SLC4A8: variants seen among roughly 807,000 people sequenced by gnomAD.
The protein encoded by SLC4A8 is electroneutral sodium bicarbonate exchanger 1.
SLC4A8 carries 40 observed loss-of-function variants against 125.0 expected under a neutral mutation model. That is an observed-to-expected ratio of 0.32 (90% CI 0.25 to 0.42). SLC4A8 has a LOEUF of 0.42. Ranked by LOEUF, SLC4A8 falls within the 10% of genes least tolerant of loss-of-function variation. The pLI is 1.00. For synonymous variants in SLC4A8, 456 were observed against 476.0 expected (o/e 0.96, Z 0.55); for missense variants, 863 against 1,355.1 (o/e 0.64, Z 5.70).
In SLC4A8 at chr12:51,463,728, C is replaced by G; in HGVS notation, c.1349+14C>G. The G allele has an allele frequency of 6.4e-7, 1 of 1,558,002 alleles. No individual in the cohort carries two copies. The highest frequency in any genetic ancestry group is 8.8e-7 in the Non-Finnish European group (1 of 1,130,316). On this transcript the variant is annotated intron_variant, in intron 11 of 24. Coordinates refer to ENST00000453097, the MANE Select transcript of SLC4A8 (RefSeq NM_001039960.3). ...GCGCACTGGGCGGTAAGTCCTGGGA[C>G]GTTTCACAGCGATGCTGCTTATTGG...
At chr12:51,437,404 A>C (rs1443874266) in intron 1 of SLC4A8, among the ~76,000 whole-genome samples, 2 of 152,232 alleles carry the variant, frequency 1.3e-5, no homozygotes, top group Admixed American at 1.3e-4. Flanking sequence ...TGTTTGGGTC[A>C]TGGAGGCAGA....
chr12:51,479,969 A>AT (rs202064260), intron 16 of SLC4A8: 3,459 of 300,854 alleles, frequency 0.011, no homozygotes, highest in South Asian at 0.025. Flanking sequence ...TATAAATGGA[A>AT]TTTTTTTTTT....
rs1296201614 is a variant in SLC4A8, at chr12:51,507,779, G to A, written c.*341G>A. ...TTTCTCTGAAATTCTCTGCTGGCCT[G>A]CCAAGCCATATGGATTCATTCTGCC... On this transcript the variant is annotated 3_prime_UTR_variant, in exon 25 of 25. Transcript: ENST00000453097. 9.9e-6 allele frequency: 2 copies of A among 201,110 alleles called. No homozygotes were observed. The highest frequency in any genetic ancestry group is 2.3e-5 in the African/African-American group (1 of 43,312). The allele number at this position is 201,110 out of a possible 1,614,324, so 12.5% of individuals were successfully genotyped here.
chr12:51,424,779 C>A, upstream of SLC4A8: 1 of 549,420 alleles, frequency 1.8e-6, no homozygotes, highest in Non-Finnish European at 3.2e-6. Flanking sequence ...CCGTGCTCCG[C>A]GCCCTGATTG....
intron 11 of SLC4A8, among the ~76,000 whole-genome samples, chr12:51,465,136 G>T (rs1012829280): frequency 2.6e-5 from 4 of 152,154 alleles, no homozygotes; most frequent in African/African-American, 9.7e-5. Context: ...TCCTCAGAAG[G>T]GGTTCCAGGA....
intron 2 of SLC4A8, 58 bp downstream of exon 2, chr12:51,440,847 A>T: frequency 7.2e-7 from 1 of 1,395,016 alleles, no homozygotes; most frequent in Non-Finnish European, 9.9e-7. Flanking sequence ...CTGGTGTGGG[A>T]AGACCTGGCT....
intron 1 of SLC4A8, among the ~76,000 whole-genome samples, chr12:51,425,629 G>A (rs1449543242): frequency 1.7e-4 from 26 of 152,128 alleles, no homozygotes; most frequent in Non-Finnish European, 1.5e-5. Context: ...TCAGGAACAG[G>A]TGCTTATTTA....
At chr12:51,487,823 T>G (rs964832620) in intron 17 of SLC4A8, among the ~76,000 whole-genome samples, 6 of 152,222 alleles carry the variant, frequency 3.9e-5, no homozygotes, top group Admixed American at 6.5e-5. Context: ...CTTGGAGCAA[T>G]CCAGTCCATT....
chr12:51,491,822 C>A (rs1565818640), intron 19 of SLC4A8, among the ~76,000 whole-genome samples: 1 of 151,848 alleles, frequency 6.6e-6, no homozygotes, highest in East Asian at 1.9e-4. Context: ...TCCACAATCT[C>A]AAAAATCTTC....
At chr12:51,422,258 G>T (rs1450284882), upstream of SLC4A8, 1 of 152,226 alleles carries the variant, frequency 6.6e-6, no homozygotes, top group East Asian at 1.9e-4. Context: ...AGGTTCTGGT[G>T]TGTGGAAGTT....
chr12:51,406,481 G>T (rs1324624415), intron 1 of SLC4A8, among the ~76,000 whole-genome samples: 1 of 152,164 alleles, frequency 6.6e-6, no homozygotes, highest in East Asian at 1.9e-4. Flanking sequence ...GTAACAGAGG[G>T]GTGTGTGTAG....
intron 4 of SLC4A8, 91 bp downstream of exon 4, chr12:51,452,350 T>A: frequency 1.4e-6 from 2 of 1,434,252 alleles, no homozygotes; most frequent in African/African-American, 1.4e-5. Context: ...CCTTATTTCT[T>A]CTTGGGAGAA....
chr12:51,464,542 A>G (rs1456651616), intron 11 of SLC4A8, among the ~76,000 whole-genome samples: 2 of 152,280 alleles, frequency 1.3e-5, no homozygotes, highest in East Asian at 3.9e-4. Flanking sequence ...GTAAACGAGA[A>G]TGATATTTTG....
In SLC4A8 at chr12:51,452,090, T is replaced by TA. The variant is rs1949990316; in HGVS notation, c.278-33dup. On this transcript the variant is annotated intron_variant, in intron 3 of 24. Coordinates refer to ENST00000453097, the MANE Select transcript of SLC4A8 (RefSeq NM_001039960.3). Reference sequence around the variant, plus strand: ...GCTATTTCTGTTCTAAGTGTGAGGCTAGAGCAGACCTTTCTCTTTGGTTGA... The same window carrying TA: ...GCTATTTCTGTTCTAAGTGTGAGGCTAAGAGCAGACCTTTCTCTTTGGTTGA... 4 of 1,612,470 alleles carry TA rather than the reference T, an allele frequency of 2.5e-6. 1 individual carries two copies. The South Asian group carries it at 4.4e-5, about 18-fold the overall frequency.
chr12:51,460,176 AC>A (rs1950278911), intron 8 of SLC4A8, 68 bp downstream of exon 8: 1 of 1,159,148 alleles, frequency 8.6e-7, no homozygotes, highest in Admixed American at 1.8e-5. Context: ...GGTAGAAGAA[AC>A]CACTTAATAC....
chr12:51,457,882 T>C (rs549475862), intron 6 of SLC4A8, among the ~76,000 whole-genome samples: 4 of 152,206 alleles, frequency 2.6e-5, no homozygotes, highest in African/African-American at 9.6e-5. Flanking sequence ...ATATCTTAGA[T>C]TAGGGAGGCA....
In SLC4A8 at chr12:51,511,930, T is replaced by A. The variant is rs1429454702; in HGVS notation, c.*4492T>A. 1 of 152,238 alleles carries A rather than the reference T, an allele frequency of 6.6e-6. No homozygotes were observed. The highest frequency in any genetic ancestry group is 2.4e-5 in the African/African-American group (1 of 41,460). The allele number at this position is 152,238 out of a possible 1,614,324, so 9.4% of individuals were successfully genotyped here. ...CTGCAACAGCTTTGAATGTATTAAATCTGTTTTCAACAGCCCTTGCATAGG... is the reference window on the plus strand; with the variant it reads ...CTGCAACAGCTTTGAATGTATTAAAACTGTTTTCAACAGCCCTTGCATAGG... On this transcript the variant is annotated 3_prime_UTR_variant, in exon 25 of 25. Coordinates refer to ENST00000453097, the MANE Select transcript of SLC4A8 (RefSeq NM_001039960.3).
At chr12:51,427,816 G>C (rs1035274002) in intron 1 of SLC4A8, among the ~76,000 whole-genome samples, 4 of 152,262 alleles carry the variant, frequency 2.6e-5, no homozygotes, top group African/African-American at 9.6e-5. Flanking sequence ...AGTTCCCTCT[G>C]CTTTCTTTCT....
intron 1 of SLC4A8, among the ~76,000 whole-genome samples, chr12:51,392,334 G>A (rs1205416469): frequency 1.3e-5 from 2 of 152,078 alleles, no homozygotes; most frequent in Non-Finnish European, 2.9e-5. Flanking sequence ...AGTACTTTGG[G>A]AGGCCGAGGC....
Sources: allele counts gnomAD v4.1 joint callset (sites outside exome capture counted in the v4.1 genomes callset), GRCh38; gene constraint gnomAD v4.1.1; transcripts MANE v1.5; gene names NCBI Gene and HGNC (gene_info 2026-07-23, HGNC 2026-07-21).